CHN2: variants seen among roughly 807,000 people sequenced by gnomAD.
The protein encoded by CHN2 is beta-chimaerin.
Under a neutral mutation model 56.3 loss-of-function variants are expected in CHN2, and 35 were observed. The observed-to-expected ratio is 0.62, with a 90% CI of 0.47 to 0.82. The LOEUF is 0.82. Ranked by LOEUF, CHN2 falls within the 40% of genes least tolerant of loss-of-function variation. The pLI is 0.00. For missense variants in CHN2, 491 were observed against 580.5 expected (o/e 0.85, Z 1.58); for synonymous variants, 210 against 212.8 (o/e 0.99, Z 0.12).
chr7:29,253,113 A>T (rs1329467097), intron 1 of CHN2, among the ~76,000 whole-genome samples: 1 of 152,198 alleles, frequency 6.6e-6, no homozygotes, highest in Non-Finnish European at 1.5e-5. Context: ...CAGCAACTCA[A>T]CTATAGGGGC....
At chr7:29,369,729 A>G (rs1167986530) in intron 3 of CHN2, among the ~76,000 whole-genome samples, 1 of 152,122 alleles carries the variant, frequency 6.6e-6, no homozygotes, top group Non-Finnish European at 1.5e-5. Flanking sequence ...AACTCTTCCT[A>G]GAGTTCCACT....
chr7:29,467,794 A>G (rs930519296), intron 6 of CHN2, among the ~76,000 whole-genome samples: 2 of 152,216 alleles, frequency 1.3e-5, no homozygotes, highest in Non-Finnish European at 2.9e-5. Context: ...AAATGAGGGT[A>G]ATAATACCAG....
intron 2 of CHN2, 72 bp downstream of exon 2, chr7:29,354,735 G>A (rs367818589): frequency 3.7e-5 from 51 of 1,371,332 alleles, no homozygotes; most frequent in African/African-American, 7.2e-5. Flanking sequence ...TCTTGCCAGC[G>A]ATGTAGTGCA....
chr7:29,208,237 G>A (rs1241800935), intron 1 of CHN2, among the ~76,000 whole-genome samples: 1 of 152,176 alleles, frequency 6.6e-6, no homozygotes, highest in Non-Finnish European at 1.5e-5. Flanking sequence ...CCAATGGCCT[G>A]CGTGAATGTA....
intron 1 of CHN2, among the ~76,000 whole-genome samples, chr7:29,257,619 A>G (rs1016327586): frequency 1.3e-5 from 2 of 152,162 alleles, no homozygotes; most frequent in African/African-American, 4.8e-5. Context: ...CACATGAGGA[A>G]ATGGCAGCTT....
At chr7:29,205,104 T>C (rs752612275) in intron 1 of CHN2, among the ~76,000 whole-genome samples, 3 of 152,244 alleles carry the variant, frequency 2.0e-5, no homozygotes, top group Non-Finnish European at 2.9e-5. Flanking sequence ...TTTTCATAAA[T>C]AGCTGAGTGT....
At chr7:29,479,761 G>T (rs946025162) in intron 6 of CHN2, 1 of 1,170,892 alleles carries the variant, frequency 8.5e-7, no homozygotes, top group Non-Finnish European at 1.1e-6. Flanking sequence ...CCTCTCCTTT[G>T]CAATGTGCTG....
At chr7:29,299,371 A>G (rs1202805362) in intron 1 of CHN2, among the ~76,000 whole-genome samples, 3 of 152,216 alleles carry the variant, frequency 2.0e-5, no homozygotes, top group Non-Finnish European at 2.9e-5. Flanking sequence ...AAATCAACAC[A>G]TTCCTGACCC....
intron 1 of CHN2, among the ~76,000 whole-genome samples, chr7:29,348,889 A>G (rs1562536261): frequency 6.6e-6 from 1 of 152,220 alleles, no homozygotes; most frequent in African/African-American, 2.4e-5. Context: ...TATTTTTACT[A>G]TCAGGTATAG....
At chr7:29,241,799 A>G (rs1346777931) in intron 1 of CHN2, among the ~76,000 whole-genome samples, 3 of 152,162 alleles carry the variant, frequency 2.0e-5, no homozygotes, top group Non-Finnish European at 4.4e-5. Context: ...GTGGCAAACT[A>G]GAGGGCTGAG....
intron 1 of CHN2, among the ~76,000 whole-genome samples, chr7:29,208,255 G>A (rs546084120): frequency 7.2e-5 from 11 of 152,296 alleles, no homozygotes; most frequent in Non-Finnish European, 1.0e-4. Context: ...GTATAGGATG[G>A]CTGGCTCCCC....
At chr7:29,505,806 C>G (rs1245380144) in intron 10 of CHN2, among the ~76,000 whole-genome samples, 1 of 152,218 alleles carries the variant, frequency 6.6e-6, no homozygotes, top group Non-Finnish European at 1.5e-5. Flanking sequence ...GTCAGTCTAA[C>G]TAGAACTGTT....
chr7:29,498,779 T>TTTTTTTTG (rs56980499), intron 8 of CHN2, among the ~76,000 whole-genome samples: 3 of 81,140 alleles, frequency 3.7e-5, no homozygotes, highest in Admixed American at 2.7e-4. Context: ...TTTTTTTTTT[T>TTTTTTTTG]GGAGACAGAG....
At chr7:29,249,046 C>G (rs973476766) in intron 1 of CHN2, among the ~76,000 whole-genome samples, 1 of 152,298 alleles carries the variant, frequency 6.6e-6, no homozygotes, top group Middle Eastern at 3.4e-3. Flanking sequence ...AAGAGACAGA[C>G]TCAATATGAT....
At chr7:29,389,247 C>T (rs760685305) in intron 3 of CHN2, among the ~76,000 whole-genome samples, 3 of 152,222 alleles carry the variant, frequency 2.0e-5, no homozygotes, top group Non-Finnish European at 2.9e-5. Flanking sequence ...GATCATGCCT[C>T]GTTTTTGTCT....
At chr7:29,390,916 G>T (rs546166420) in intron 3 of CHN2, among the ~76,000 whole-genome samples, 1 of 152,120 alleles carries the variant, frequency 6.6e-6, no homozygotes, top group Non-Finnish European at 1.5e-5. Flanking sequence ...AAATGTAGAC[G>T]TTGTATGATT....
intron 1 of CHN2, among the ~76,000 whole-genome samples, chr7:29,285,334 G>A (rs1792064840): frequency 6.6e-6 from 1 of 152,158 alleles, no homozygotes; most frequent in African/African-American, 2.4e-5. Flanking sequence ...CAGTTCTCAC[G>A]TTTCATGGAA....
rs556161451 is a variant in CHN2, at chr7:29,290,631, G to A, written c.50-63994G>A. ...TTAGTAAGTTTTACTGGTACTTTGC[G>A]AATTACACAAGTAATAAGATGATAT... On this transcript the variant is annotated intron_variant, in intron 1 of 12. Transcript: ENST00000222792. 7.9e-4 allele frequency among the ~76,000 whole-genome samples: 120 copies of A among 152,236 alleles called. 1 individual carries two copies. Among genetic ancestry groups the A allele is most frequent in the African/African-American group, 2.6e-3 (107 of 41,524 alleles).
chr7:29,194,479 C>G (rs1783352769), upstream of CHN2: 1 of 158,014 alleles, frequency 6.3e-6, no homozygotes, highest in Non-Finnish European at 1.4e-5. Context: ...TCTGTCTGTC[C>G]GTCTCCCGCC....
Sources: gnomAD v4.1 joint callset for allele counts (sites outside exome capture counted in the v4.1 genomes callset) on GRCh38, gnomAD v4.1.1 for gene constraint, MANE v1.5 for transcripts, NCBI Gene and HGNC (gene_info 2026-07-23, HGNC 2026-07-21) for gene names.